GABRB3: variants seen among roughly 807,000 people sequenced by gnomAD.
GABRB3 encodes the protein gamma-aminobutyric acid receptor subunit beta-3.
Under a neutral mutation model 52.1 loss-of-function variants are expected in GABRB3, and 14 were observed. The observed-to-expected ratio is 0.27, with a 90% confidence interval of 0.18 to 0.42. The LOEUF is 0.42. GABRB3 is among the 10% of genes least tolerant of loss of function. The pLI, the probability that GABRB3 is intolerant of heterozygous loss-of-function variation, is 1.00. For missense variants in GABRB3, 307 were observed against 609.1 expected (o/e 0.50, Z 5.22); for synonymous variants, 260 against 232.3 (o/e 1.12, Z -1.08).
intron 4 of GABRB3, among the ~76,000 whole-genome samples, chr15:26,609,737 T>C (rs989071670): frequency 1.3e-5 from 2 of 152,218 alleles, no homozygotes; most frequent in East Asian, 1.9e-4. Context: ...TAGTTAATAA[T>C]AGAGTTTTAT....
At chr15:26,722,531 G>A (rs1197070466) in intron 3 of GABRB3, among the ~76,000 whole-genome samples, 1 of 152,118 alleles carries the variant, frequency 6.6e-6, no homozygotes, top group Admixed American at 6.6e-5. Context: ...CAGTTGAAGG[G>A]GGAAATTCTA....
chr15:26,547,569 C>A lies in GABRB3; in HGVS notation c.*224G>T. The stretch of plus-strand genomic sequence containing the variant: ...TGTATGTGTATTTGTCTTCCATACA[C>A]ATGGGCACTGACTCCTGTGTGTATA... On this transcript the variant is annotated 3_prime_UTR_variant, in exon 9 of 9. Coordinates refer to ENST00000311550, the MANE Select transcript of GABRB3 (RefSeq NM_000814.6). 3.3e-6 allele frequency: 2 copies of A among 598,316 alleles called. No individual in the cohort carries two copies. Among genetic ancestry groups the A allele is most frequent in the Non-Finnish European group, 5.9e-6 (2 of 337,046 alleles). The allele number at this position is 598,316 out of a possible 1,614,324, so 37.1% of individuals were successfully genotyped here.
intron 3 of GABRB3, among the ~76,000 whole-genome samples, chr15:26,716,380 CTA>C (rs1889467656): frequency 6.6e-6 from 1 of 152,186 alleles, no homozygotes; most frequent in Admixed American, 6.5e-5. Flanking sequence ...CCTAAAACCC[CTA>C]TCTCAGCCCT....
chr15:26,634,924 TTAGA>T (rs1315954014), intron 3 of GABRB3, among the ~76,000 whole-genome samples: 7 of 140,906 alleles, frequency 5.0e-5, no homozygotes, highest in African/African-American at 1.0e-4. Flanking sequence ...TCTCCAAATA[TTAGA>T]TAATCTCTAA....
At chr15:26,748,721 T>C (rs1410987522) in intron 3 of GABRB3, among the ~76,000 whole-genome samples, 4 of 152,192 alleles carry the variant, frequency 2.6e-5, no homozygotes, top group Admixed American at 2.0e-4. Flanking sequence ...ATCTTTATAA[T>C]GTTCTTACAT....
At chr15:26,600,188 AG>A (rs1891537694) in intron 4 of GABRB3, among the ~76,000 whole-genome samples, 1 of 152,080 alleles carries the variant, frequency 6.6e-6, no homozygotes, top group Admixed American at 6.6e-5. Context: ...TTATCCAGTC[AG>A]ATAAACAAGA....
chr15:26,646,383 G>A (rs1887006431), intron 3 of GABRB3, among the ~76,000 whole-genome samples: 1 of 152,200 alleles, frequency 6.6e-6, no homozygotes, highest in South Asian at 2.1e-4. Context: ...ATGGTAGCAT[G>A]TATCAGTGTT....
chr15:26,600,409 ATAAAG>A (rs1300537332), intron 4 of GABRB3, among the ~76,000 whole-genome samples: 2 of 152,164 alleles, frequency 1.3e-5, no homozygotes, highest in African/African-American at 4.8e-5. Context: ...TCAACCCCAA[ATAAAG>A]TACACTAAGA....
chr15:26,695,237 C>T (rs566819146), intron 3 of GABRB3, among the ~76,000 whole-genome samples: 1 of 152,040 alleles, frequency 6.6e-6, no homozygotes, highest in South Asian at 2.1e-4. Flanking sequence ...CTGCAGAAAA[C>T]CAAGGACCGA....
intron 3 of GABRB3, among the ~76,000 whole-genome samples, chr15:26,674,609 A>C (rs1450838565): frequency 1.3e-5 from 2 of 152,136 alleles, no homozygotes. Context: ...TATACATTTA[A>C]TGAAGTGAGG....
chr15:26,760,007 G>A (rs1236357807), intron 3 of GABRB3, among the ~76,000 whole-genome samples: 5 of 152,108 alleles, frequency 3.3e-5, no homozygotes. Context: ...GAAAATTACT[G>A]AGCATGGATT....
chr15:26,625,323 C>G (rs1249318182), intron 3 of GABRB3: 5 of 297,806 alleles, frequency 1.7e-5, no homozygotes, highest in Non-Finnish European at 2.5e-5. Flanking sequence ...TCCTTCCACA[C>G]CCAACCCATC....
rs931648366 is a variant in GABRB3 at position 26,624,316 on chromosome 15, C to T, written c.241-2782G>A. On this transcript the variant is annotated intron_variant, in intron 3 of 8. Transcript: ENST00000311550. ...CGACCACAGAGTTTCTCTACTATCA[C>T]CCTCCATGTTACACTCGTATTGAAA... The T allele has an allele frequency of 6.1e-6, 6 of 985,472 alleles. No homozygotes were observed. In the South Asian group the frequency reaches 2.3e-4, roughly 39 times the overall value. The allele number at this position is 985,472 out of a possible 1,614,324, so 61.0% of individuals were successfully genotyped here. A position where few individuals can be genotyped will look rare whatever the true frequency, so the allele number is the denominator to read the frequency against.
At chr15:26,736,436 G>A (rs1890067899) in intron 3 of GABRB3, among the ~76,000 whole-genome samples, 1 of 152,222 alleles carries the variant, frequency 6.6e-6, no homozygotes, top group African/African-American at 2.4e-5. Context: ...ACAGTTTACA[G>A]GGAAGGAAAT....
intron 4 of GABRB3, among the ~76,000 whole-genome samples, chr15:26,608,159 A>G (rs568428811): frequency 6.6e-6 from 1 of 151,894 alleles, no homozygotes; most frequent in East Asian, 1.9e-4. Flanking sequence ...CCCAGAATAA[A>G]CCCATTCATG....
chr15:26,752,229 TTTTATTTATTTATTTATTTATTTA>T (rs3078706), intron 3 of GABRB3, among the ~76,000 whole-genome samples: 4 of 140,326 alleles, frequency 2.9e-5, no homozygotes, highest in Non-Finnish European at 6.1e-5. Flanking sequence ...GCTCTCTTTA[TTTTATTTATTTATTTATTTATTTA>T]TTTATTTATT....
At chr15:26,750,749 T>G (rs961607735) in intron 3 of GABRB3, among the ~76,000 whole-genome samples, 1 of 152,168 alleles carries the variant, frequency 6.6e-6, no homozygotes, top group African/African-American at 2.4e-5. Context: ...AGTAGAAAAC[T>G]GCCAGAGATA....
At chr15:26,670,510 AGAG>A (rs1887864150) in intron 3 of GABRB3, among the ~76,000 whole-genome samples, 1 of 152,150 alleles carries the variant, frequency 6.6e-6, no homozygotes, top group East Asian at 1.9e-4. Context: ...AGGGAAGAGA[AGAG>A]GAGCCCAGGC....
At chr15:26,764,897 G>A (rs1030387278) in intron 3 of GABRB3, among the ~76,000 whole-genome samples, 4 of 152,184 alleles carry the variant, frequency 2.6e-5, no homozygotes, top group East Asian at 1.9e-4. Flanking sequence ...TTGGGAGGCC[G>A]AGGCAGGTGG....
Sources: allele counts gnomAD v4.1 joint callset (sites outside exome capture counted in the v4.1 genomes callset), GRCh38; gene constraint gnomAD v4.1.1; transcripts MANE v1.5; gene names NCBI Gene and HGNC (gene_info 2026-07-23, HGNC 2026-07-21).